SUPT7L: variants seen among roughly 807,000 people sequenced by gnomAD.
SUPT7L encodes the protein STAGA complex 65 subunit gamma.
SUPT7L carries 15 observed loss-of-function variants against 35.7 expected under a neutral mutation model. The ratio of observed to expected loss-of-function variants is 0.42; its 90% CI spans 0.28 to 0.65. SUPT7L has a LOEUF of 0.65. SUPT7L is among the 30% of genes least tolerant of loss of function. SUPT7L has a pLI of 0.23. For missense variants in SUPT7L, 434 were observed against 522.2 expected (o/e 0.83, Z 1.65); for synonymous variants, 168 against 186.2 (o/e 0.90, Z 0.79).
chr2:27,656,399 ACT>A (rs1435939699), intron 4 of SUPT7L, among the ~76,000 whole-genome samples: 1 of 151,968 alleles, frequency 6.6e-6, no homozygotes, highest in East Asian at 1.9e-4. Flanking sequence ...ATATCATTTT[ACT>A]CTGTTTTTTT....
chr2:27,655,665 G>C (rs1400894685), intron 4 of SUPT7L, 63 bp from the exon 5 acceptor site: 2 of 1,391,986 alleles, frequency 1.4e-6, no homozygotes, highest in Admixed American at 2.3e-5. Context: ...TAGTCAGCTT[G>C]TGACGTCCCA....
In SUPT7L at chr2:27,663,455, C is replaced by T. The variant is rs1236880560; in HGVS notation, c.-216G>A. 2.8e-6 allele frequency: 1 copy of T among 353,536 alleles called. No individual in the cohort carries two copies. The highest frequency in any genetic ancestry group is 4.3e-5 in the Admixed American group (1 of 23,090). 21.9% of individuals were successfully genotyped at this position (353,536 alleles called of 1,614,324 possible). A position where few individuals can be genotyped will look rare whatever the true frequency, so the allele number is the denominator to read the frequency against. Reference sequence around the variant, plus strand: ...TCCTGAGGTCGCCTGACGTTCAGGGCAGCCGGAAGACGGGGAGGTCTGGAC... The same window carrying T: ...TCCTGAGGTCGCCTGACGTTCAGGGTAGCCGGAAGACGGGGAGGTCTGGAC... On this transcript the variant is annotated 5_prime_UTR_variant, in exon 1 of 6. Transcript: ENST00000337768.
At chr2:27,649,264 C>CAA (rs200474567), downstream of SUPT7L, among the ~76,000 whole-genome samples, 35 of 146,744 alleles carry the variant, frequency 2.4e-4, 1 homozygote, top group African/African-American at 3.0e-4. Context: ...AACAAACAAA[C>CAA]AAACAAAAAA....
the SUPT7L span, among the ~76,000 whole-genome samples, chr2:27,645,104 T>C: frequency 6.6e-6 from 1 of 152,018 alleles, no homozygotes; most frequent in South Asian, 2.1e-4. Context: ...AGTAGCTAGA[T>C]CTACAGGTGT....
downstream of SUPT7L, among the ~76,000 whole-genome samples, chr2:27,646,080 C>T (rs1444155845): frequency 6.6e-6 from 1 of 152,076 alleles, no homozygotes; most frequent in Non-Finnish European, 1.5e-5. Flanking sequence ...CTTGCTCTGT[C>T]ACCTAGGCTG....
At chr2:27,648,088 T>C, downstream of SUPT7L, 1 of 621,076 alleles carries the variant, frequency 1.6e-6, no homozygotes, top group Non-Finnish European at 2.9e-6. Flanking sequence ...ATATTGAGAG[T>C]TCCTGTCCTG....
At chr2:27,643,404 C>G in the SUPT7L span, among the ~76,000 whole-genome samples, 21 of 151,970 alleles carry the variant, frequency 1.4e-4, no homozygotes. The surrounding 1 kb of genome is among the most constrained non-coding windows in gnomAD (Gnocchi z 4.0). Context: ...ATATAATACT[C>G]TTTTACCTTG....
chr2:27,645,238 T>C, the SUPT7L span, among the ~76,000 whole-genome samples: 1 of 152,212 alleles, frequency 6.6e-6, no homozygotes, highest in South Asian at 2.1e-4. Context: ...CCCAAGGTGT[T>C]GGGATCATAG....
At position 27,655,384 on chromosome 2, in the gene SUPT7L, T is replaced by G. The variant is rs1465587958; in HGVS notation, c.963A>C (p.Glu321Asp). Residue 321 changes from glutamate (E) to aspartate (D), a missense_variant, in exon 5 of 6, where the codon GAA becomes GAC. This residue lies in a region of SUPT7L where 159 missense variants were observed against 217.1 expected (regional missense o/e 0.73). Transcript: ENST00000337768. Reference protein sequence around the residue: ...SERFPSNLEVEASPQASSAEV... With the variant: ...SERFPSNLEVDASPQASSAEV... ...TCTTACTTGAAGCCTGTGGTGAAGCTTCAACCTCCAGGTTAGATGGGAAGC... is the reference window on the plus strand; with the variant it reads ...TCTTACTTGAAGCCTGTGGTGAAGCGTCAACCTCCAGGTTAGATGGGAAGC... The G allele has an allele frequency of 6.4e-7, 1 of 1,574,706 alleles. No homozygotes were observed. Among genetic ancestry groups the G allele is most frequent in the Non-Finnish European group, 8.6e-7 (1 of 1,162,818 alleles).
intron 5 of SUPT7L, 91 bp downstream of exon 5, chr2:27,655,274 C>G (rs1027072847): frequency 4.2e-5 from 50 of 1,191,982 alleles, no homozygotes; most frequent in Admixed American, 7.4e-5. Context: ...TGCTTTTGTT[C>G]TTCTACCTCT....
Position 27,653,398 on chromosome 2 carries a change from A to G in SUPT7L, c.*87T>C. The G allele has an allele frequency of 6.6e-7, 1 of 1,512,480 alleles. No individual in the cohort carries two copies. The highest frequency in any genetic ancestry group is 8.8e-7 in the Non-Finnish European group (1 of 1,135,624). 93.7% of individuals were successfully genotyped at this position (1,512,480 alleles called of 1,614,324 possible). On this transcript the variant is annotated 3_prime_UTR_variant, in exon 6 of 6. Transcript: ENST00000337768. The stretch of plus-strand genomic sequence containing the variant: ...ACTTGTGTTTAAGAACAGGAGTCAA[A>G]TCAATTTTTAAGGAAACAGATTCTA...
rs1380891351 is a variant in SUPT7L, at chr2:27,657,013, T to C, written c.744+332A>G. ...AAAAACAATGTAAACTCAGGTAACT[T>C]AGTAACTGCTGAATCCCACAATGCT... On this transcript the variant is annotated intron_variant, in intron 4 of 5. Transcript: ENST00000337768. The surrounding 1 kb of genome is among the most constrained non-coding windows in gnomAD (Gnocchi z 5.2). Among the ~76,000 whole-genome samples, 1 of 152,218 alleles carries C rather than the reference T, an allele frequency of 6.6e-6. No individual in the cohort carries two copies. Among genetic ancestry groups the C allele is most frequent in the African/African-American group, 2.4e-5 (1 of 41,460 alleles).
downstream of SUPT7L, chr2:27,647,806 G>A (rs1249033126): frequency 4.0e-6 from 5 of 1,251,852 alleles, no homozygotes; most frequent in Non-Finnish European, 5.9e-6. Context: ...TTTTGAGGAG[G>A]CATATCACTG....
chr2:27,653,899 T>A (rs1310732623), intron 5 of SUPT7L, 152 bp from the exon 6 acceptor site: 15 of 1,041,934 alleles, frequency 1.4e-5, no homozygotes, highest in Non-Finnish European at 1.9e-5. Flanking sequence ...TGGTTGTTAC[T>A]CTCTGCTTCA....
Position 27,652,856 on chromosome 2 carries a change from T to A in SUPT7L, c.*629A>T, listed in dbSNP as rs1345344905. 1 of 152,666 alleles carries A rather than the reference T, an allele frequency of 6.6e-6. No individual in the cohort carries two copies. Among genetic ancestry groups the A allele is most frequent in the African/African-American group, 2.4e-5 (1 of 41,342 alleles). The allele number at this position is 152,666 out of a possible 1,614,324, so 9.5% of individuals were successfully genotyped here. ...GATGGAGTAAGTCTAGAGAAGAAAATAAATGGATGAGATAGAGAGCTGTCT... is the reference window on the plus strand; with the variant it reads ...GATGGAGTAAGTCTAGAGAAGAAAAAAAATGGATGAGATAGAGAGCTGTCT... On this transcript the variant is annotated 3_prime_UTR_variant, in exon 6 of 6. Transcript: ENST00000337768.
At chr2:27,662,053 C>T (rs1400478057) in intron 2 of SUPT7L, 126 bp downstream of exon 2, 5 of 1,314,728 alleles carry the variant, frequency 3.8e-6, no homozygotes, top group Non-Finnish European at 2.2e-6. Context: ...GTCATCTATT[C>T]TCTACACTGC....
At position 27,657,461 on chromosome 2, in the gene SUPT7L, T is replaced by G; in HGVS notation, c.628A>C (p.Thr210Pro). Reference sequence around the variant, plus strand: ...TGCTCCATCACATCAGGAAAAGGAGTCTGTCCCAGCCGGGCCTCCCGGTCC... The same window carrying G: ...TGCTCCATCACATCAGGAAAAGGAGGCTGTCCCAGCCGGGCCTCCCGGTCC... ...AVDREARLGQ[T>P]PFPDVMEQVF... The change falls in exon 4 of 6, where the codon ACT becomes CCT. Residue 210 changes from threonine to proline, a missense_variant. Transcript: ENST00000337768. This position sits in a 1 kb window ranked among gnomAD's most constrained non-coding sequence, Gnocchi z 5.2. The G allele has an allele frequency of 3.7e-6, 6 of 1,614,026 alleles. No homozygotes were observed. Among genetic ancestry groups the G allele is most frequent in the Non-Finnish European group, 5.1e-6 (6 of 1,179,986 alleles).
At chr2:27,646,276 A>G (rs904151790), downstream of SUPT7L, among the ~76,000 whole-genome samples, 3 of 152,186 alleles carry the variant, frequency 2.0e-5, no homozygotes, top group African/African-American at 7.2e-5. Flanking sequence ...TCCTGACCTC[A>G]GGTGATCTGC....
the SUPT7L span, among the ~76,000 whole-genome samples, chr2:27,645,055 A>G: frequency 6.6e-6 from 1 of 151,906 alleles, no homozygotes; most frequent in African/African-American, 2.4e-5. Context: ...GCAGCCTCGA[A>G]CTACTGGGCT....
Sources: gnomAD v4.1 joint callset for allele counts (sites outside exome capture counted in the v4.1 genomes callset) on GRCh38, gnomAD v4.1.1 for gene constraint, gnomAD v4.1.1 regional missense constraint, Gnocchi (gnomAD v3.1) non-coding constraint, MANE v1.5 for transcripts, NCBI Gene and HGNC (gene_info 2026-07-23, HGNC 2026-07-21) for gene names.